NRXN1: variants seen among roughly 807,000 people sequenced by gnomAD.
NRXN1 encodes the protein neurexin-1.
In NRXN1, 39 loss-of-function variants were observed where a neutral mutation model predicts 150.9. That is an observed-to-expected ratio of 0.26 (90% CI 0.20 to 0.34). The LOEUF (loss-of-function observed/expected upper bound fraction) is 0.34. NRXN1 is among the 10% of genes least tolerant of loss of function. The pLI is 1.00. For missense variants in NRXN1, 1,815 were observed against 1,949.9 expected, an observed-to-expected ratio of 0.93 and a Z score of 1.30; for synonymous variants, 924 against 757.0, an observed-to-expected ratio of 1.22 and a Z score of -3.62.
chr2:50,795,514 T>C (rs1706693113), intron 5 of NRXN1, among the ~76,000 whole-genome samples: 1 of 151,962 alleles, frequency 6.6e-6, no homozygotes, highest in African/African-American at 2.4e-5. Context: ...CTCCTCCCTT[T>C]CCTTTCTTTC....
intron 17 of NRXN1, among the ~76,000 whole-genome samples, chr2:50,329,671 ATATTTT>A (rs1166864091): frequency 0.017 from 344 of 20,648 alleles, 29 homozygotes; most frequent in African/African-American, 0.028. Context: ...ATATATATAT[ATATTTT>A]TTTTTTTCCC....
intron 18 of NRXN1, among the ~76,000 whole-genome samples, chr2:50,198,873 T>A (rs963925925): frequency 2.0e-5 from 3 of 152,120 alleles, no homozygotes; most frequent in Non-Finnish European, 2.9e-5. Flanking sequence ...TTAATGAACT[T>A]TTGGAGCACA....
intron 18 of NRXN1, among the ~76,000 whole-genome samples, chr2:50,112,045 C>T (rs1393367987): frequency 6.6e-6 from 1 of 151,994 alleles, no homozygotes; most frequent in South Asian, 2.1e-4. Flanking sequence ...TTAATAGCTG[C>T]ACTCACTAGT....
rs1668100229 is a variant in NRXN1, at chr2:49,920,978, A to G, written c.*966T>C. On this transcript the variant is annotated 3_prime_UTR_variant, in exon 23 of 23. Transcript: ENST00000401669. Reference sequence around the variant, plus strand: ...TGTAATTTCTTTAAAAAATAAAAGTAATTGTGGCAATTTATAATGGTGGCA... The same window carrying G: ...TGTAATTTCTTTAAAAAATAAAAGTGATTGTGGCAATTTATAATGGTGGCA... 1 of 152,038 alleles carries G rather than the reference A, an allele frequency of 6.6e-6. No individual in the cohort carries two copies. The highest frequency in any genetic ancestry group is 2.4e-5 in the African/African-American group (1 of 41,250). 9.4% of individuals were successfully genotyped at this position (152,038 alleles called of 1,614,324 possible). A position where few individuals can be genotyped will look rare whatever the true frequency, so the allele number is the denominator to read the frequency against.
intron 2 of NRXN1, among the ~76,000 whole-genome samples, chr2:51,025,122 C>A (rs1670225825): frequency 6.6e-6 from 1 of 152,150 alleles, no homozygotes; most frequent in Non-Finnish European, 1.5e-5. Context: ...TCTCCCAATT[C>A]TGTGATACTC....
chr2:50,416,783 G>A (rs1273863027), intron 17 of NRXN1, among the ~76,000 whole-genome samples: 1 of 151,950 alleles, frequency 6.6e-6, no homozygotes, highest in Admixed American at 6.6e-5. Context: ...CACTATCAGT[G>A]GCATGGGGGT....
chr2:50,600,618 C>T (rs1242091954), intron 8 of NRXN1, among the ~76,000 whole-genome samples: 1 of 152,158 alleles, frequency 6.6e-6, no homozygotes, highest in Admixed American at 6.5e-5. Context: ...AGCCATCACG[C>T]CCAGCCAAGT....
chr2:50,721,127 T>C (rs370947683), intron 5 of NRXN1, among the ~76,000 whole-genome samples: 247 of 152,266 alleles, frequency 1.6e-3, no homozygotes, highest in African/African-American at 5.7e-3. Context: ...AGCCACTAGA[T>C]GACTCAGCTG....
At chr2:50,245,164 A>G (rs1384946980) in intron 17 of NRXN1, among the ~76,000 whole-genome samples, 1 of 151,950 alleles carries the variant, frequency 6.6e-6, no homozygotes, top group Non-Finnish European at 1.5e-5. Flanking sequence ...TGAGTTCAAT[A>G]GTTTGAGCTG....
chr2:50,181,858 T>C lies in NRXN1; in HGVS notation c.3546+54931A>G, dbSNP rs529936255. 3.9e-5 allele frequency among the ~76,000 whole-genome samples: 6 copies of C among 152,208 alleles called. No individual in the cohort carries two copies. In the East Asian group the frequency reaches 5.8e-4, roughly 15 times the overall value. On this transcript the variant is annotated intron_variant, in intron 18 of 22. Coordinates refer to ENST00000401669, the MANE Select transcript of NRXN1 (RefSeq NM_001330078.2). ...AGATTATCATGGAAAACGAGCATTG[T>C]TGTATGAACGTTTTTGTGACTACTG...
chr2:50,200,731 A>C (rs1235733821), intron 18 of NRXN1, among the ~76,000 whole-genome samples: 1 of 152,202 alleles, frequency 6.6e-6, no homozygotes, highest in Non-Finnish European at 1.5e-5. Flanking sequence ...ACAATGAATG[A>C]AATGAAATTT....
chr2:50,188,354 C>T (rs998313113), intron 18 of NRXN1, among the ~76,000 whole-genome samples: 2 of 152,072 alleles, frequency 1.3e-5, no homozygotes, highest in South Asian at 2.1e-4. Context: ...CTTCCTTATA[C>T]CTTATACAAA....
In NRXN1 at chr2:50,294,707, T is replaced by C. The variant is rs1431292204; in HGVS notation, c.3365-57737A>G. 2.0e-5 allele frequency among the ~76,000 whole-genome samples: 3 copies of C among 152,176 alleles called. No homozygotes were observed. In the East Asian group the frequency reaches 5.8e-4, roughly 29 times the overall value. On this transcript the variant is annotated intron_variant, in intron 17 of 22. Transcript: ENST00000401669. ...CTGAAGGATGAGGTACATCCTGCCT[T>C]GTTGGGACAGGCTGATCCATGTTGT... is the stretch of plus-strand genomic sequence containing the variant.
intron 5 of NRXN1, among the ~76,000 whole-genome samples, chr2:50,845,992 G>A (rs1204856376): frequency 2.0e-5 from 3 of 152,184 alleles, no homozygotes; most frequent in Admixed American, 2.0e-4. Context: ...ATTGCTGACT[G>A]GCTTTAGAGA....
intron 8 of NRXN1, 108 bp downstream of exon 8, chr2:50,619,914 G>T (rs1486107711): frequency 2.1e-6 from 2 of 953,976 alleles, no homozygotes; most frequent in Non-Finnish European, 3.0e-6. Flanking sequence ...ATTTAAAGTT[G>T]TGCCGTTTGA....
chr2:50,344,450 G>A (rs146878593), intron 17 of NRXN1, among the ~76,000 whole-genome samples: 1 of 151,818 alleles, frequency 6.6e-6, no homozygotes, highest in South Asian at 2.1e-4. Context: ...AAGGAGAGTG[G>A]GCAGAAATCC....
intron 5 of NRXN1, among the ~76,000 whole-genome samples, chr2:50,690,503 T>C (rs1463601032): frequency 6.6e-6 from 1 of 152,092 alleles, no homozygotes; most frequent in Non-Finnish European, 1.5e-5. Flanking sequence ...TGAGATTTGG[T>C]TGGTGGGAAT....
At chr2:50,343,197 T>C (rs1340784820) in intron 17 of NRXN1, among the ~76,000 whole-genome samples, 1 of 152,190 alleles carries the variant, frequency 6.6e-6, no homozygotes, top group Non-Finnish European at 1.5e-5. Context: ...GCTTTCTCCT[T>C]CCTTTATCTC....
intron 5 of NRXN1, among the ~76,000 whole-genome samples, chr2:50,809,624 TAAG>T (rs542889995): frequency 2.1e-4 from 32 of 152,238 alleles, no homozygotes; most frequent in African/African-American, 7.5e-4. Context: ...CCAGAAAACA[TAAG>T]AAGAATGTTA....
Sources: gnomAD v4.1 joint callset for allele counts (sites outside exome capture counted in the v4.1 genomes callset) on GRCh38, gnomAD v4.1.1 for gene constraint, MANE v1.5 for transcripts, NCBI Gene and HGNC (gene_info 2026-07-23, HGNC 2026-07-21) for gene names.